BPGM: variants seen among roughly 807,000 people sequenced by gnomAD.
The protein encoded by BPGM is 2,3-bisphosphoglycerate mutase, erythrocyte.
In BPGM, 15 loss-of-function variants were observed where a neutral mutation model predicts 21.6. The ratio of observed to expected loss-of-function variants is 0.70; its 90% confidence interval spans 0.47 to 1.07. BPGM has a LOEUF of 1.07. Among genes scored for constraint, BPGM ranks in the 50% least tolerant of loss-of-function variants. The pLI is 0.00. For missense variants in BPGM, 273 were observed against 319.0 expected (o/e 0.86, Z 1.10); for synonymous variants, 113 against 116.2 (o/e 0.97, Z 0.18).
chr7:134,670,187 A>G (rs573391110), intron 2 of BPGM, among the ~76,000 whole-genome samples: 2 of 152,304 alleles, frequency 1.3e-5, no homozygotes, highest in Admixed American at 1.3e-4. Context: ...AGTGACACAC[A>G]AGACACTCAT....
chr7:134,656,638 C>T (rs1321919220), intron 1 of BPGM, among the ~76,000 whole-genome samples: 1 of 152,164 alleles, frequency 6.6e-6, no homozygotes, highest in Admixed American at 6.5e-5. Context: ...CATCAGACCT[C>T]GTGAGAACTC....
In BPGM at chr7:134,669,149, A is replaced by G. The variant is rs549766066; in HGVS notation, c.601+7041A>G. Among the ~76,000 whole-genome samples the G allele has an allele frequency of 2.6e-5, 4 of 152,344 alleles. No individual in the cohort carries two copies. The South Asian group carries it at 6.2e-4, about 24-fold the overall frequency. Reference sequence around the variant, plus strand: ...CAAAGGTAATAGACTACATTAGTCAATTAGGAGAATTAAGTGAAGGGTTGA... The same window carrying G: ...CAAAGGTAATAGACTACATTAGTCAGTTAGGAGAATTAAGTGAAGGGTTGA... On this transcript the variant is annotated intron_variant, in intron 2 of 2. Transcript: ENST00000344924.
chr7:134,653,198 G>A (rs1269974978), intron 1 of BPGM, among the ~76,000 whole-genome samples: 1 of 152,198 alleles, frequency 6.6e-6, no homozygotes, highest in East Asian at 1.9e-4. Context: ...GCTTTCAGCT[G>A]CAATGGCAGA....
chr7:134,647,762 T>C (rs910674392), intron 1 of BPGM, among the ~76,000 whole-genome samples: 8 of 152,186 alleles, frequency 5.3e-5, no homozygotes, highest in African/African-American at 1.9e-4. Context: ...GGTTTTTTAA[T>C]AGTGAAAGCA....
rs1296283619 is a variant in BPGM, at chr7:134,661,132, T to C, written c.-61-315T>C. Among the ~76,000 whole-genome samples, 2 of 121,124 alleles carry C rather than the reference T, an allele frequency of 1.7e-5. No individual in the cohort carries two copies. Among genetic ancestry groups the C allele is most frequent in the African/African-American group, 6.2e-5 (2 of 32,042 alleles). The allele number at this position is 121,124 out of a possible 152,430, so 79.5% of individuals were successfully genotyped here. On this transcript the variant is annotated intron_variant, in intron 1 of 2. Coordinates refer to ENST00000344924, the MANE Select transcript of BPGM (RefSeq NM_001724.5). This position sits in a 1 kb window ranked among gnomAD's most constrained non-coding sequence, Gnocchi z 4.6. ...CTGTAACTCATTCTATTAAATCCTT[T>C]CTACTGTAAGCATAAATTGCCTTTG...
At chr7:134,665,144 A>C (rs1424622037) in intron 2 of BPGM, among the ~76,000 whole-genome samples, 5 of 152,188 alleles carry the variant, frequency 3.3e-5, no homozygotes, top group South Asian at 2.1e-4. Flanking sequence ...GAAAGGTTAA[A>C]GGATTTGTCA....
chr7:134,678,358 GCTCAGGGT>G (rs1796011875), intron 2 of BPGM, among the ~76,000 whole-genome samples: 1 of 152,196 alleles, frequency 6.6e-6, no homozygotes, highest in Admixed American at 6.5e-5. Context: ...ACTGGATCTA[GCTCAGGGT>G]ATTGCAAGCT....
At chr7:134,676,182 G>A (rs1252572476) in intron 2 of BPGM, among the ~76,000 whole-genome samples, 1 of 152,062 alleles carries the variant, frequency 6.6e-6, no homozygotes, top group Non-Finnish European at 1.5e-5. Flanking sequence ...TTGCCTAGTT[G>A]CCCTAGCTAG....
Position 134,661,691 on chromosome 7 carries a change from C to A in BPGM, c.184C>A (p.Arg62=). The part of the protein sequence containing the change: ...FDLVFTSVLN[R]SIHTAWLILE... ...TCTTGTATTCACATCTGTCCTTAATCGGTCCATTCACACAGCCTGGCTGAT... is the reference window on the plus strand; with the variant it reads ...TCTTGTATTCACATCTGTCCTTAATAGGTCCATTCACACAGCCTGGCTGAT... The change falls in exon 2 of 3, where the codon CGG becomes AGG. Residue 62 remains arginine (R), a synonymous_variant. Coordinates refer to ENST00000344924, the MANE Select transcript of BPGM (RefSeq NM_001724.5). This position sits in a 1 kb window ranked among gnomAD's most constrained non-coding sequence, Gnocchi z 4.6. The A allele has an allele frequency of 1.2e-6, 2 of 1,614,078 alleles. No homozygotes were observed. Among genetic ancestry groups the A allele is most frequent in the South Asian group, 1.1e-5 (1 of 91,078 alleles).
intron 2 of BPGM, among the ~76,000 whole-genome samples, chr7:134,670,664 G>A (rs1390200694): frequency 6.6e-6 from 1 of 151,950 alleles, no homozygotes; most frequent in Admixed American, 6.6e-5. Flanking sequence ...TCTAGTTTCA[G>A]CTCTTATTGG....
At position 134,652,016 on chromosome 7, in the gene BPGM, A is replaced by G. The variant is rs114840797; in HGVS notation, c.-62+5079A>G. ...AGGATGAATCCTATAGTTTTCCCCTATAGTTCAATCTTGAACCTATTCCTA... is the reference window on the plus strand; with the variant it reads ...AGGATGAATCCTATAGTTTTCCCCTGTAGTTCAATCTTGAACCTATTCCTA... On this transcript the variant is annotated intron_variant, in intron 1 of 2. Transcript: ENST00000344924. Among the ~76,000 whole-genome samples, 625 of 152,346 alleles carry G rather than the reference A, an allele frequency of 4.1e-3. 8 individuals are homozygous for G. The highest frequency in any genetic ancestry group is 0.014 in the African/African-American group (599 of 41,590).
At chr7:134,673,323 T>C (rs1795935797) in intron 2 of BPGM, among the ~76,000 whole-genome samples, 1 of 152,214 alleles carries the variant, frequency 6.6e-6, no homozygotes, top group African/African-American at 2.4e-5. Context: ...TAAAGTGGAA[T>C]GTTGATTTTA....
At chr7:134,651,081 G>A (rs955715901) in intron 1 of BPGM, among the ~76,000 whole-genome samples, 1 of 152,190 alleles carries the variant, frequency 6.6e-6, no homozygotes, top group African/African-American at 2.4e-5. Context: ...TGCAGTGGGG[G>A]TTAAAAGTTG....
chr7:134,658,882 G>A (rs1795682557), intron 1 of BPGM, among the ~76,000 whole-genome samples: 2 of 31,046 alleles, frequency 6.4e-5, no homozygotes, highest in South Asian at 3.7e-3. Flanking sequence ...TCTGGTGTGT[G>A]TGTGTGTGTA....
rs1347232918 is a variant in BPGM, at chr7:134,679,491, T to G, written c.*460T>G. 1 of 156,082 alleles carries G rather than the reference T, an allele frequency of 6.4e-6. No homozygotes were observed. Among genetic ancestry groups the G allele is most frequent in the East Asian group, 1.9e-4 (1 of 5,334 alleles). The allele number at this position is 156,082 out of a possible 1,614,324, so 9.7% of individuals were successfully genotyped here. ...TGTATTTATTACTAGTCTTTTCCTC[T>G]AGGAAAAGGGATACTTTGATAATTA... On this transcript the variant is annotated 3_prime_UTR_variant, in exon 3 of 3. Coordinates refer to ENST00000344924, the MANE Select transcript of BPGM (RefSeq NM_001724.5).
intron 2 of BPGM, among the ~76,000 whole-genome samples, chr7:134,668,297 C>G (rs978495216): frequency 1.3e-5 from 2 of 152,166 alleles, no homozygotes; most frequent in Non-Finnish European, 2.9e-5. Context: ...TTCACTGAGG[C>G]TCCACACACA....
At position 134,665,448 on chromosome 7, in the gene BPGM, A is replaced by G. The variant is rs1211027666; in HGVS notation, c.601+3340A>G. 1.4e-4 allele frequency among the ~76,000 whole-genome samples: 4 copies of G among 29,036 alleles called. 2 individuals are homozygous for G. Among genetic ancestry groups the G allele is most frequent in the Admixed American group, 1.3e-3 (2 of 1,600 alleles). The allele number at this position is 29,036 out of a possible 152,430, so 19.0% of individuals were successfully genotyped here. A position where few individuals can be genotyped will look rare whatever the true frequency, so the allele number is the denominator to read the frequency against. Reference sequence around the variant, plus strand: ...ATGGACACAGGAAGGGGAATATCACACTCTGGGGACTGTGGTGGGGTTGGG... The same window carrying G: ...ATGGACACAGGAAGGGGAATATCACGCTCTGGGGACTGTGGTGGGGTTGGG... On this transcript the variant is annotated intron_variant, in intron 2 of 2. Transcript: ENST00000344924.
chr7:134,678,317 T>C (rs1486583599), intron 2 of BPGM, among the ~76,000 whole-genome samples: 1 of 152,230 alleles, frequency 6.6e-6, no homozygotes, highest in Non-Finnish European at 1.5e-5. Context: ...TGACTGTGCT[T>C]TCTAAGCACC....
At chr7:134,677,541 A>C (rs1796000181) in intron 2 of BPGM, among the ~76,000 whole-genome samples, 1 of 152,184 alleles carries the variant, frequency 6.6e-6, no homozygotes, top group Admixed American at 6.6e-5. Context: ...CGATTCTGTG[A>C]CTGTTTGGCT....
Sources: gnomAD v4.1 joint callset for allele counts (sites outside exome capture counted in the v4.1 genomes callset) on GRCh38, gnomAD v4.1.1 for gene constraint, Gnocchi (gnomAD v3.1) non-coding constraint, MANE v1.5 for transcripts, NCBI Gene and HGNC (gene_info 2026-07-23, HGNC 2026-07-21) for gene names.